TCF4: variants seen among roughly 807,000 people sequenced by gnomAD.
The protein encoded by TCF4 is SL3-3 enhancer factor 2.
TCF4 carries 3 observed loss-of-function variants against 82.1 expected under a neutral mutation model. The ratio of observed to expected loss-of-function variants is 0.04; its 90% CI spans 0.02 to 0.09. The LOEUF is 0.09. Ranked by LOEUF, TCF4 falls within the 10% of genes least tolerant of loss-of-function variation. TCF4 has a pLI of 1.00. For synonymous variants in TCF4, 276 were observed against 309.6 expected, an observed-to-expected ratio of 0.89 and a Z score of 1.14; for missense variants, 518 against 852.7, an observed-to-expected ratio of 0.61 and a Z score of 4.89.
chr18:55,421,168 C>T (rs971258579), intron 5 of TCF4, among the ~76,000 whole-genome samples: 17 of 152,068 alleles, frequency 1.1e-4, no homozygotes, highest in African/African-American at 3.9e-4. Flanking sequence ...CCACCATAAT[C>T]TTTAGACATG....
At chr18:55,471,264 C>T (rs953789204) in intron 3 of TCF4, among the ~76,000 whole-genome samples, 1 of 152,134 alleles carries the variant, frequency 6.6e-6, no homozygotes, top group African/African-American at 2.4e-5. Flanking sequence ...ATGATTGTTT[C>T]TGTTTTCTAT....
rs1243869040 is a variant in TCF4 at position 55,226,474 on chromosome 18, C to T, written c.*1561G>A. 1 of 152,542 alleles carries T rather than the reference C, an allele frequency of 6.6e-6. No individual in the cohort carries two copies. Among genetic ancestry groups the T allele is most frequent in the Non-Finnish European group, 1.5e-5 (1 of 68,002 alleles). The allele number at this position is 152,542 out of a possible 1,614,324, so 9.4% of individuals were successfully genotyped here. On this transcript the variant is annotated 3_prime_UTR_variant, in exon 20 of 20. Transcript: ENST00000354452. The stretch of plus-strand genomic sequence containing the variant: ...CGTCAAAGCTAGCTATCTGATGAGT[C>T]GCTGTGCCATAGCTTGATCTATGTT...
At chr18:55,415,677 C>T (rs1020176218) in intron 5 of TCF4, among the ~76,000 whole-genome samples, 6 of 152,170 alleles carry the variant, frequency 3.9e-5, no homozygotes, top group Admixed American at 6.5e-5. Flanking sequence ...TATTTCTTAG[C>T]TGCTCGATGG....
At chr18:55,446,971 C>G (rs1302505839) in intron 5 of TCF4, among the ~76,000 whole-genome samples, 3 of 130,634 alleles carry the variant, frequency 2.3e-5, no homozygotes, top group African/African-American at 5.9e-5. Context: ...GGGGACAGAG[C>G]GAGACTCTGT....
intron 3 of TCF4, among the ~76,000 whole-genome samples, chr18:55,466,113 A>G (rs2096012260): frequency 6.6e-6 from 1 of 152,284 alleles, no homozygotes; most frequent in South Asian, 2.1e-4. Flanking sequence ...GGTTGTCACA[A>G]TTTGGGTGTT....
intron 8 of TCF4, among the ~76,000 whole-genome samples, chr18:55,280,794 A>G (rs2062444264): frequency 6.6e-6 from 1 of 152,178 alleles, no homozygotes; most frequent in Admixed American, 6.5e-5. Flanking sequence ...TTTACAGTGC[A>G]CATCGAATAA....
At chr18:55,424,662 A>T (rs2094909052) in intron 5 of TCF4, among the ~76,000 whole-genome samples, 1 of 152,238 alleles carries the variant, frequency 6.6e-6, no homozygotes, top group Non-Finnish European at 1.5e-5. Context: ...TTGAAAAAAA[A>T]CTTCATCACA....
At chr18:55,492,325 A>G (rs1250737162) in intron 3 of TCF4, 1 of 152,220 alleles carries the variant, frequency 6.6e-6, no homozygotes, top group Non-Finnish European at 1.5e-5. Context: ...TCTTCACTGT[A>G]TGAATTTAAT....
chr18:55,422,617 A>AGT (rs1035341971), intron 5 of TCF4: 34 of 321,062 alleles, frequency 1.1e-4, no homozygotes, highest in African/African-American at 4.1e-4. Context: ...TGGTGCTTTT[A>AGT]GTGTGTGTGT....
chr18:55,453,478 G>A (rs1350571364), intron 5 of TCF4, among the ~76,000 whole-genome samples: 3 of 151,976 alleles, frequency 2.0e-5, no homozygotes, highest in Non-Finnish European at 4.4e-5. Context: ...CTTCTCTTTG[G>A]GTCAATAACT....
intron 2 of TCF4, among the ~76,000 whole-genome samples, chr18:55,629,630 T>C (rs2097729741): frequency 6.6e-6 from 1 of 152,162 alleles, no homozygotes; most frequent in Non-Finnish European, 1.5e-5. Context: ...AACTGGATGA[T>C]TCTAACAGTT....
intron 5 of TCF4, among the ~76,000 whole-genome samples, chr18:55,446,934 G>A (rs112651426): frequency 0.016 from 2,397 of 150,352 alleles, 57 homozygotes; most frequent in African/African-American, 0.054. Flanking sequence ...AGCAGTGAGC[G>A]GAGATCGCGC....
chr18:55,354,215 G>A (rs1036377750), intron 6 of TCF4, among the ~76,000 whole-genome samples: 3 of 152,150 alleles, frequency 2.0e-5, no homozygotes, highest in African/African-American at 7.2e-5. Flanking sequence ...CAACCAGGTT[G>A]GAATGTTTTG....
At chr18:55,562,007 T>G (rs2097359086) in intron 3 of TCF4, among the ~76,000 whole-genome samples, 1 of 152,228 alleles carries the variant, frequency 6.6e-6, no homozygotes, top group African/African-American at 2.4e-5. Flanking sequence ...AAGATACATT[T>G]CTTTCATCTA....
intron 6 of TCF4, among the ~76,000 whole-genome samples, chr18:55,394,831 A>G (rs1260444283): frequency 1.3e-5 from 2 of 152,226 alleles, no homozygotes; most frequent in Non-Finnish European, 2.9e-5. Flanking sequence ...ATGTAAACAA[A>G]CCCACGTCAA....
intron 15 of TCF4, among the ~76,000 whole-genome samples, chr18:55,235,975 A>G (rs1352844585): frequency 6.6e-6 from 1 of 152,204 alleles, no homozygotes; most frequent in African/African-American, 2.4e-5. Flanking sequence ...AAAGGCAGCC[A>G]TGTATTAAGT....
At chr18:55,334,211 A>T (rs1214457694) in intron 8 of TCF4, among the ~76,000 whole-genome samples, 1 of 152,228 alleles carries the variant, frequency 6.6e-6, no homozygotes, top group Non-Finnish European at 1.5e-5. Context: ...TTATAAAAGA[A>T]ACACAGTTTT....
At chr18:55,530,338 C>T (rs969666134) in intron 3 of TCF4, among the ~76,000 whole-genome samples, 1 of 151,940 alleles carries the variant, frequency 6.6e-6, no homozygotes, top group Non-Finnish European at 1.5e-5. Flanking sequence ...GGATTCAAGG[C>T]GGATGAAAGA....
intron 3 of TCF4, among the ~76,000 whole-genome samples, chr18:55,507,563 G>A (rs922517526): frequency 2.6e-5 from 4 of 151,440 alleles, no homozygotes; most frequent in African/African-American, 9.7e-5. Context: ...GGGGCGGGGG[G>A]ACTACTGTAT....
Sources: gnomAD v4.1 joint callset for allele counts (sites outside exome capture counted in the v4.1 genomes callset) on GRCh38, gnomAD v4.1.1 for gene constraint, MANE v1.5 for transcripts, NCBI Gene and HGNC (gene_info 2026-07-23, HGNC 2026-07-21) for gene names.